The following C10orf67 variants were observed in gnomAD, a reference collection of about 807,000 sequenced individuals.
The protein encoded by C10orf67 is uncharacterized protein C10orf67, mitochondrial.
Under a neutral mutation model 35.6 loss-of-function variants are expected in C10orf67, and 60 were observed. The ratio of observed to expected loss-of-function variants is 1.68; its 90% CI spans 1.37 to 2.09. The LOEUF is 2.09. C10orf67 is among the 30% of genes most tolerant of loss of function. C10orf67 has a pLI of 0.00. For synonymous variants in C10orf67, 167 were observed against 115.8 expected (o/e 1.44, Z -2.84); for missense variants, 474 against 330.2 (o/e 1.44, Z -3.38).
chr10:23,316,167 G>A (rs562225916), intron 4 of C10orf67, among the ~76,000 whole-genome samples: 2 of 152,368 alleles, frequency 1.3e-5, no homozygotes, highest in African/African-American at 4.8e-5. Context: ...GTGACAAGGG[G>A]TGCATGAGTG....
Position 23,323,952 on chromosome 10 carries a change from TAC to T in C10orf67, c.328-1417_328-1416del, listed in dbSNP as rs747699026. 2.2e-4 allele frequency among the ~76,000 whole-genome samples: 14 copies of T among 64,686 alleles called. 2 individuals are homozygous for T. The South Asian group carries it at 2.4e-3, about 11-fold the overall frequency. 42.4% of individuals were successfully genotyped at this position (64,686 alleles called of 152,430 possible). ...ATATATATATATATATATATATATA[TAC>T]ACACACACACACATATGAGTTAAAA... On this transcript the variant is annotated intron_variant, in intron 2 of 15. Transcript: ENST00000636213.
In C10orf67 at chr10:23,344,782, G is replaced by A. The variant is rs754502068; in HGVS notation, c.-8C>T. On this transcript the variant is annotated 5_prime_UTR_variant, in exon 1 of 16. Transcript: ENST00000636213. ...ATCCCGGACCAAGGCCATCATAAGAGGAGAGCAGGCTGCCTAATAAGCTGT... is the reference window on the plus strand; with the variant it reads ...ATCCCGGACCAAGGCCATCATAAGAAGAGAGCAGGCTGCCTAATAAGCTGT... 1.3e-6 allele frequency: 2 copies of A among 1,554,364 alleles called. No individual in the cohort carries two copies. The highest frequency in any genetic ancestry group is 3.9e-5 in the Admixed American group (2 of 51,354).
chr10:23,253,877 G>T (rs1312760867), intron 10 of C10orf67, among the ~76,000 whole-genome samples: 1 of 152,008 alleles, frequency 6.6e-6, no homozygotes, highest in East Asian at 1.9e-4. Context: ...ATTAAAAAAA[G>T]AGAAAAAAAA....
At chr10:23,232,308 A>C (rs551345628) in intron 13 of C10orf67, among the ~76,000 whole-genome samples, 1 of 152,358 alleles carries the variant, frequency 6.6e-6, no homozygotes, top group East Asian at 1.9e-4. Flanking sequence ...TTAAGAGATT[A>C]AGAATGGGGA....
At chr10:23,248,544 T>A (rs1842371555) in intron 12 of C10orf67, among the ~76,000 whole-genome samples, 1 of 152,202 alleles carries the variant, frequency 6.6e-6, no homozygotes, top group East Asian at 1.9e-4. Flanking sequence ...GACTCTGATC[T>A]TGACTGGCTA....
At chr10:23,328,993 C>CAAAAAAAAAAAAAAAAAAGAAAAAAAAA (rs1845310437) in intron 2 of C10orf67, among the ~76,000 whole-genome samples, 1 of 78,732 alleles carries the variant, frequency 1.3e-5, no homozygotes, top group African/African-American at 4.9e-5. Context: ...CATAAACGAA[C>CAAAAAAAAAAAAAAAAAAGAAAAAAAAA]AAAAAAAAAA....
rs557072962 is a variant in C10orf67, at chr10:23,338,987, T to G, written c.206+5582A>C. 1.3e-4 allele frequency among the ~76,000 whole-genome samples: 20 copies of G among 152,340 alleles called. No individual in the cohort carries two copies. The East Asian group carries it at 3.9e-3, about 29-fold the overall frequency. On this transcript the variant is annotated intron_variant, in intron 1 of 15. Transcript: ENST00000636213. ...GCAGTATATGCTTTGAAACAGTATA[T>G]GGTGCTATCTCTCCTACAGTCATAG...
At chr10:23,332,736 G>A (rs1054452203) in intron 2 of C10orf67, among the ~76,000 whole-genome samples, 3 of 151,758 alleles carry the variant, frequency 2.0e-5, no homozygotes, top group African/African-American at 4.8e-5. Flanking sequence ...AAAGCTGGAT[G>A]GTGGGTTACA....
At chr10:23,249,816 A>T (rs2132156688) in intron 12 of C10orf67, among the ~76,000 whole-genome samples, 1 of 152,296 alleles carries the variant, frequency 6.6e-6, no homozygotes, top group African/African-American at 2.4e-5. Context: ...CTTCCCATAC[A>T]TGTTCCCCCA....
intron 10 of C10orf67, among the ~76,000 whole-genome samples, chr10:23,263,180 G>T (rs1842797422): frequency 2.0e-5 from 3 of 152,266 alleles, no homozygotes; most frequent in African/African-American, 7.2e-5. Context: ...GCTGTATCAA[G>T]CCAAGCCAAG....
chr10:23,309,867 T>G (rs1844430028), intron 4 of C10orf67, among the ~76,000 whole-genome samples: 1 of 152,204 alleles, frequency 6.6e-6, no homozygotes, highest in South Asian at 2.1e-4. Context: ...TAGTGCAGAC[T>G]CAAAGATTCC....
chr10:23,224,213 T>C (rs774708624), intron 13 of C10orf67, among the ~76,000 whole-genome samples: 2 of 152,192 alleles, frequency 1.3e-5, no homozygotes, highest in African/African-American at 2.4e-5. Context: ...TAACATTTGC[T>C]GTTCAGCAAT....
At chr10:23,313,098 C>A (rs72788414) in intron 4 of C10orf67, among the ~76,000 whole-genome samples, 1 of 152,230 alleles carries the variant, frequency 6.6e-6, no homozygotes, top group Non-Finnish European at 1.5e-5. Flanking sequence ...TATTCATTGT[C>A]CTTCAGGGCT....
chr10:23,265,884 A>G (rs895960786), intron 10 of C10orf67, among the ~76,000 whole-genome samples: 5 of 152,256 alleles, frequency 3.3e-5, no homozygotes, highest in African/African-American at 1.2e-4. Flanking sequence ...GGAATCCTGC[A>G]TGAGCAAATG....
At chr10:23,252,135 T>G (rs2132161506) in intron 10 of C10orf67, among the ~76,000 whole-genome samples, 1 of 152,292 alleles carries the variant, frequency 6.6e-6, no homozygotes, top group African/African-American at 2.4e-5. Flanking sequence ...GTTCTCCATA[T>G]TTTAACTTTT....
At chr10:23,233,720 C>T (rs1009799420) in intron 13 of C10orf67, among the ~76,000 whole-genome samples, 11 of 152,090 alleles carry the variant, frequency 7.2e-5, no homozygotes, top group African/African-American at 2.4e-4. Context: ...AGGGCTGAGA[C>T]GAAGTTCAGG....
At chr10:23,341,491 G>A (rs572470634) in intron 1 of C10orf67, among the ~76,000 whole-genome samples, 4 of 152,102 alleles carry the variant, frequency 2.6e-5, no homozygotes, top group South Asian at 2.1e-4. Context: ...TTCTGCCCTC[G>A]TCCTCACTAT....
intron 1 of C10orf67, among the ~76,000 whole-genome samples, chr10:23,339,164 C>T (rs34272424): frequency 6.6e-6 from 1 of 152,054 alleles, no homozygotes; most frequent in Non-Finnish European, 1.5e-5. Flanking sequence ...AACAGAAATT[C>T]TATTGAATTA....
chr10:23,326,184 T>G (rs1845186939), intron 2 of C10orf67, among the ~76,000 whole-genome samples: 1 of 152,148 alleles, frequency 6.6e-6, no homozygotes. Flanking sequence ...TGTAGATGCT[T>G]AATTTATTTA....
Sources: allele counts gnomAD v4.1 joint callset (sites outside exome capture counted in the v4.1 genomes callset), GRCh38; gene constraint gnomAD v4.1.1; transcripts MANE v1.5; gene names NCBI Gene and HGNC (gene_info 2026-07-23, HGNC 2026-07-21).